Variants in CR1L observed in about 807,000 individuals in gnomAD.
The protein encoded by CR1L is complement component receptor 1-like protein.
A neutral mutation model predicts 62.3 loss-of-function variants in CR1L; 59 were observed. That is an observed-to-expected ratio of 0.95 (90% CI 0.77 to 1.18). The LOEUF (loss-of-function observed/expected upper bound fraction) is 1.18, where lower values mean the gene tolerates loss of function less well. CR1L is among the 50% of genes most tolerant of loss of function. The pLI is 0.00. For synonymous variants in CR1L, 279 were observed against 248.7 expected (o/e 1.12, Z -1.15); for missense variants, 700 against 702.8 (o/e 1.00, Z 0.04).
In CR1L at chr1:207,708,198, C is replaced by T. The variant is rs758977806; in HGVS notation, c.1349C>T (p.Ser450Leu). 9 of 1,611,336 alleles carry T rather than the reference C, an allele frequency of 5.6e-6. No individual in the cohort carries two copies. The African/African-American group carries it at 6.7e-5, about 12-fold the overall frequency. Residue 450 changes from serine (S) to leucine (L), a missense_variant, in exon 10 of 12, where the codon TCA (serine) becomes TTA (leucine). Coordinates refer to ENST00000508064, the MANE Select transcript of CR1L (RefSeq NM_175710.2). ...TTTAGGCACCGACTCATTGGTCACT[C>T]ATCTGCTGAATGTATCCTCTCGGGC... ...CTTGHRLIGH[S>L]SAECILSGNT...
At chr1:207,691,230 T>C (rs1663992693) in intron 4 of CR1L, among the ~76,000 whole-genome samples, 1 of 152,220 alleles carries the variant, frequency 6.6e-6, no homozygotes, top group Admixed American at 6.5e-5. Context: ...GACTGTTTTA[T>C]CATAATGAAA....
At chr1:207,645,591 C>A (rs915802699) in intron 1 of CR1L, among the ~76,000 whole-genome samples, 24 of 152,134 alleles carry the variant, frequency 1.6e-4, no homozygotes, top group Non-Finnish European at 1.2e-4. Flanking sequence ...CCAAAAGAAG[C>A]GTGAATCGTG....
At chr1:207,655,507 A>G (rs972322915) in intron 1 of CR1L, among the ~76,000 whole-genome samples, 3 of 152,120 alleles carry the variant, frequency 2.0e-5, no homozygotes, top group African/African-American at 4.8e-5. Flanking sequence ...GGGTACCAGT[A>G]TGTTTCCCAG....
intron 1 of CR1L, among the ~76,000 whole-genome samples, chr1:207,667,282 C>T (rs889365629): frequency 2.0e-5 from 3 of 152,162 alleles, no homozygotes; most frequent in African/African-American, 7.2e-5. Context: ...GATCGTAAGT[C>T]CACAGTGAGT....
At chr1:207,690,089 G>T (rs183513672) in intron 4 of CR1L, among the ~76,000 whole-genome samples, 4 of 151,976 alleles carry the variant, frequency 2.6e-5, no homozygotes, top group South Asian at 4.2e-4. Context: ...TTTCTTTAAA[G>T]TGTGACTATT....
Position 207,694,340 on chromosome 1 carries a change from C to T in CR1L, c.464-13C>T. 6.2e-7 allele frequency: 1 copy of T among 1,613,884 alleles called. No individual in the cohort carries two copies. Among genetic ancestry groups the T allele is most frequent in the South Asian group, 1.1e-5 (1 of 91,072 alleles). On this transcript the variant is annotated splice_polypyrimidine_tract_variant and intron_variant, in intron 4 of 11. Transcript: ENST00000508064. Reference sequence around the variant, plus strand: ...ATTCATTATTTAAATTGACTGTGCTCTTCCTTTCCCAGGAATTATTTGTGG... The same window carrying T: ...ATTCATTATTTAAATTGACTGTGCTTTTCCTTTCCCAGGAATTATTTGTGG...
chr1:207,683,014 C>CTT lies in CR1L; in HGVS notation c.378-856_378-855dup, dbSNP rs752505040. 2.6e-3 allele frequency among the ~76,000 whole-genome samples: 159 copies of CTT among 60,736 alleles called. No individual in the cohort carries two copies. The Middle Eastern group carries it at 0.029, about 11-fold the overall frequency. 39.8% of individuals were successfully genotyped at this position (60,736 alleles called of 152,430 possible). A position where few individuals can be genotyped will look rare whatever the true frequency, so the allele number is the denominator to read the frequency against. Reference sequence around the variant, plus strand: ...TTTTTTTCTTTCTTTCTTTCTTTTTCTTTCTTTCTTTCCTTCCTTCCTTCC... The same window carrying CTT: ...TTTTTTTCTTTCTTTCTTTCTTTTTCTTTTTCTTTCTTTCCTTCCTTCCTTCC... On this transcript the variant is annotated intron_variant, in intron 3 of 11. Transcript: ENST00000508064.
At chr1:207,663,335 C>A (rs9728503) in intron 1 of CR1L, among the ~76,000 whole-genome samples, 61,931 of 151,980 alleles carry the variant, frequency 0.41, 12,897 homozygotes, top group African/African-American at 0.48. Flanking sequence ...ACTCAAGCCT[C>A]GGCAATGGTG....
chr1:207,647,410 A>AC (rs1663143919), intron 1 of CR1L, among the ~76,000 whole-genome samples: 1 of 151,808 alleles, frequency 6.6e-6, no homozygotes, highest in Non-Finnish European at 1.5e-5. Flanking sequence ...CCTTCTTGGA[A>AC]CCCCCCAACT....
At chr1:207,647,365 C>A (rs1039390133) in intron 1 of CR1L, among the ~76,000 whole-genome samples, 1 of 152,216 alleles carries the variant, frequency 6.6e-6, no homozygotes, top group African/African-American at 2.4e-5. Context: ...GCTGTTTCTT[C>A]TGCAAGCTCA....
intron 1 of CR1L, among the ~76,000 whole-genome samples, chr1:207,654,987 C>T (rs896854288): frequency 2.6e-5 from 4 of 152,118 alleles, no homozygotes; most frequent in Admixed American, 2.6e-4. Flanking sequence ...TTGCTCTCGG[C>T]CAATATACGT....
At chr1:207,668,440 T>C (rs954729930) in intron 1 of CR1L, among the ~76,000 whole-genome samples, 1 of 151,134 alleles carries the variant, frequency 6.6e-6, no homozygotes, top group Non-Finnish European at 1.5e-5. Flanking sequence ...TCCTGTATGA[T>C]ATCAGTCATG....
At chr1:207,717,797 G>T in intron 11 of CR1L, 106 bp downstream of exon 11, 2 of 1,377,768 alleles carry the variant, frequency 1.5e-6, no homozygotes, top group Non-Finnish European at 2.0e-6. Context: ...TGGCTTTGCT[G>T]TAACTGTCAG....
intron 10 of CR1L, among the ~76,000 whole-genome samples, chr1:207,715,819 C>T (rs567445305): frequency 5.3e-5 from 8 of 152,042 alleles, no homozygotes; most frequent in Non-Finnish European, 7.4e-5. Flanking sequence ...ACTTCAGCCT[C>T]CCAGTAGTTG....
At chr1:207,665,582 A>G (rs1412404788) in intron 1 of CR1L, among the ~76,000 whole-genome samples, 1 of 151,522 alleles carries the variant, frequency 6.6e-6, no homozygotes, top group Non-Finnish European at 1.5e-5. Flanking sequence ...TTTAATAGAG[A>G]TGGGGTTTCA....
chr1:207,678,959 G>C (rs1456137267), intron 3 of CR1L, among the ~76,000 whole-genome samples: 1 of 150,732 alleles, frequency 6.6e-6, no homozygotes, highest in Non-Finnish European at 1.5e-5. Flanking sequence ...GTCCTCCTAT[G>C]CTGTTCTCTT....
At chr1:207,671,199 G>A (rs1334895779) in intron 1 of CR1L, among the ~76,000 whole-genome samples, 1 of 150,838 alleles carries the variant, frequency 6.6e-6, no homozygotes, top group African/African-American at 2.5e-5. Flanking sequence ...TGAAAATCAG[G>A]TGGGGTAGTG....
At chr1:207,664,670 T>G (rs543082056) in intron 1 of CR1L, among the ~76,000 whole-genome samples, 1 of 152,314 alleles carries the variant, frequency 6.6e-6, no homozygotes, top group Non-Finnish European at 1.5e-5. Flanking sequence ...AAAGTGTTTA[T>G]AAAACACTGA....
intron 10 of CR1L, 111 bp from the exon 11 acceptor site, chr1:207,717,353 T>C (rs1185509596): frequency 2.4e-6 from 3 of 1,241,114 alleles, no homozygotes; most frequent in Non-Finnish European, 3.3e-6. Flanking sequence ...TTAGTTATAG[T>C]CTTTCTAAAA....
Sources: allele counts gnomAD v4.1 joint callset (sites outside exome capture counted in the v4.1 genomes callset), GRCh38; gene constraint gnomAD v4.1.1; transcripts MANE v1.5; gene names NCBI Gene and HGNC (gene_info 2026-07-23, HGNC 2026-07-21).